CREB5: variants seen among roughly 807,000 people sequenced by gnomAD.
The protein encoded by CREB5 is cAMP responsive element binding protein 5, also known as cyclic AMP-responsive element-binding protein 5.
In CREB5, 19 loss-of-function variants were observed where a neutral mutation model predicts 57.1. That is an observed-to-expected ratio of 0.33 (90% confidence interval 0.23 to 0.49). The LOEUF is 0.49. CREB5 is among the 20% of genes least tolerant of loss of function. The pLI is 0.99. For synonymous variants in CREB5, 238 were observed against 238.3 expected (o/e 1.00, Z 0.01); for missense variants, 579 against 671.6 (o/e 0.86, Z 1.52).
intron 5 of CREB5, among the ~76,000 whole-genome samples, chr7:28,704,534 CTG>C (rs1428134837): frequency 2.0e-5 from 3 of 151,984 alleles, no homozygotes; most frequent in Non-Finnish European, 4.4e-5. Context: ...TCATAGCTCA[CTG>C]TGTCTTCAAA....
intron 1 of CREB5, among the ~76,000 whole-genome samples, chr7:28,340,008 G>C (rs567006071): frequency 6.6e-6 from 1 of 152,152 alleles, no homozygotes. Flanking sequence ...GAATAATGCC[G>C]GGTGGAGGAC....
At chr7:28,671,185 G>A (rs903230749) in intron 5 of CREB5, among the ~76,000 whole-genome samples, 1 of 151,858 alleles carries the variant, frequency 6.6e-6, no homozygotes, top group Non-Finnish European at 1.5e-5. Context: ...CAGCCTGGGA[G>A]GTCAAGGCCG....
intron 7 of CREB5, among the ~76,000 whole-genome samples, chr7:28,762,725 G>GT (rs59288466): frequency 1.7e-3 from 254 of 146,080 alleles, no homozygotes; most frequent in African/African-American, 3.5e-3. Context: ...CTTGGCTATG[G>GT]TTTTTTTTTT....
chr7:28,357,652 T>A (rs2127991590), intron 1 of CREB5, among the ~76,000 whole-genome samples: 1 of 152,338 alleles, frequency 6.6e-6, no homozygotes, highest in South Asian at 2.1e-4. Flanking sequence ...CGTGACTTCG[T>A]GTGCATGGAT....
At chr7:28,496,233 C>G (rs1423217924) in intron 3 of CREB5, among the ~76,000 whole-genome samples, 3 of 152,192 alleles carry the variant, frequency 2.0e-5, no homozygotes, top group Non-Finnish European at 4.4e-5. Context: ...AATATTTCAC[C>G]TTAGCACTTC....
At chr7:28,816,614 T>G (rs977556734) in intron 9 of CREB5, among the ~76,000 whole-genome samples, 19 of 152,196 alleles carry the variant, frequency 1.2e-4, no homozygotes, top group Admixed American at 6.5e-4. Context: ...AATATGTGGT[T>G]GCTTATAATT....
At chr7:28,417,199 G>A (rs1032443466) in intron 1 of CREB5, among the ~76,000 whole-genome samples, 10 of 152,096 alleles carry the variant, frequency 6.6e-5, no homozygotes, top group East Asian at 1.9e-4. Context: ...CATTTTAAAC[G>A]TTTTAGTAGC....
Position 28,570,545 on chromosome 7 carries a change from G to A in CREB5, c.464+8G>A. The A allele has an allele frequency of 6.2e-7, 1 of 1,611,242 alleles. No individual in the cohort carries two copies. The highest frequency in any genetic ancestry group is 1.1e-5 in the South Asian group (1 of 90,716). On this transcript the variant is annotated splice_region_variant and intron_variant, in intron 5 of 10. Coordinates refer to ENST00000357727, the MANE Select transcript of CREB5 (RefSeq NM_182898.4). ...CACCAACCGCCAGATCGGGTAAGGA[G>A]CCCTCCTTGGCTGCCCCTGGGTCCT...
intron 1 of CREB5, among the ~76,000 whole-genome samples, chr7:28,367,545 C>G (rs892818205): frequency 6.6e-6 from 1 of 152,208 alleles, no homozygotes; most frequent in Non-Finnish European, 1.5e-5. Flanking sequence ...CACGGTAGCT[C>G]ATACCTGTAA....
chr7:28,466,812 G>A lies in CREB5; in HGVS notation c.4-21363G>A, dbSNP rs559613756. Among the ~76,000 whole-genome samples the A allele has an allele frequency of 5.9e-5, 9 of 152,266 alleles. No homozygotes were observed. The South Asian group carries it at 1.0e-3, about 18-fold the overall frequency. On this transcript the variant is annotated intron_variant, in intron 1 of 10. Transcript: ENST00000357727. ...GCTTTGCAAATCGGGGCTATGATCC[G>A]GAAAATGTAGTGCTCATATGGTTCT...
chr7:28,604,561 T>C (rs550888383), intron 5 of CREB5, among the ~76,000 whole-genome samples: 10 of 151,940 alleles, frequency 6.6e-5, no homozygotes, highest in Non-Finnish European at 1.3e-4. Context: ...TTGAGGAACT[T>C]CTCTACCTAG....
chr7:28,408,513 C>G (rs568276224), upstream of CREB5, among the ~76,000 whole-genome samples: 1 of 152,148 alleles, frequency 6.6e-6, no homozygotes, highest in Non-Finnish European at 1.5e-5. Flanking sequence ...CTGGCTCTGC[C>G]GCTCCCCAGC....
chr7:28,667,456 G>A (rs1799870130), intron 5 of CREB5, among the ~76,000 whole-genome samples: 1 of 151,820 alleles, frequency 6.6e-6, no homozygotes, highest in Non-Finnish European at 1.5e-5. Flanking sequence ...GAAACTGTGG[G>A]CATATTTCCT....
At chr7:28,638,226 T>G (rs1798501779) in intron 5 of CREB5, among the ~76,000 whole-genome samples, 1 of 150,900 alleles carries the variant, frequency 6.6e-6, no homozygotes, top group Admixed American at 6.6e-5. Context: ...TCTTGATCCC[T>G]GCCTTCATTC....
intron 7 of CREB5, among the ~76,000 whole-genome samples, chr7:28,772,438 C>G (rs879769299): frequency 5.9e-5 from 9 of 152,114 alleles, no homozygotes; most frequent in African/African-American, 1.2e-4. Context: ...AGGCGCCGCT[C>G]GAGCCTCGCC....
chr7:28,457,291 CG>C (rs2128572435), intron 1 of CREB5, among the ~76,000 whole-genome samples: 1 of 152,160 alleles, frequency 6.6e-6, no homozygotes, highest in Non-Finnish European at 1.5e-5. Context: ...CCACAGCACC[CG>C]CGATTATGAA....
At chr7:28,517,496 C>T (rs1429250341) in intron 4 of CREB5, among the ~76,000 whole-genome samples, 1 of 152,176 alleles carries the variant, frequency 6.6e-6, no homozygotes, top group African/African-American at 2.4e-5. Context: ...AGGGCCATTT[C>T]CCTTGTTCTT....
At chr7:28,359,156 A>C (rs1324273928) in intron 1 of CREB5, among the ~76,000 whole-genome samples, 1 of 152,008 alleles carries the variant, frequency 6.6e-6, no homozygotes, top group Non-Finnish European at 1.5e-5. Flanking sequence ...AAGGAAGAAA[A>C]AAATCCCAAA....
At position 28,724,245 on chromosome 7, in the gene CREB5, C is replaced by T; in HGVS notation, c.615C>T (p.Asn205=). 6.2e-7 allele frequency: 1 copy of T among 1,613,364 alleles called. No homozygotes were observed. The highest frequency in any genetic ancestry group is 1.1e-5 in the South Asian group (1 of 91,052). The change falls in exon 7 of 11, where the codon AAC becomes AAT. Residue 205 remains asparagine, a synonymous_variant. Transcript: ENST00000357727. ...LMPMERQMSV[N]SSIMGMQGPN... is the part of the protein sequence containing the mutation. ...AGATGGAGCGACAAATGTCAGTGAA[C>T]TCCAGCATCATGGGGATGCAAGGTC...
Sources: gnomAD v4.1 joint callset for allele counts (sites outside exome capture counted in the v4.1 genomes callset) on GRCh38, gnomAD v4.1.1 for gene constraint, MANE v1.5 for transcripts, NCBI Gene and HGNC (gene_info 2026-07-23, HGNC 2026-07-21) for gene names.